The following KANK1 variants were observed in gnomAD, a reference collection of about 807,000 sequenced individuals.
KANK1 encodes the protein KN motif and ankyrin repeat domains 1, also known as KN motif and ankyrin repeat domain-containing protein 1.
Under a neutral mutation model 106.2 loss-of-function variants are expected in KANK1, and 109 were observed. The observed-to-expected ratio is 1.03, with a 90% CI of 0.88 to 1.20. The LOEUF (loss-of-function observed/expected upper bound fraction) is 1.20. Ranked by LOEUF, KANK1 falls within the 50% of genes most tolerant of loss-of-function variation. The probability of loss-of-function intolerance (pLI) is 0.00; values close to 1 mark genes in which losing one functional copy is unlikely to be tolerated. For missense variants in KANK1, 2,399 were observed against 1,710.7 expected, an observed-to-expected ratio of 1.40 and a Z score of -7.10; for synonymous variants, 873 against 652.2, an observed-to-expected ratio of 1.34 and a Z score of -5.16.
At chr9:733,824 TAGAAC>T (rs1215917061) in intron 6 of KANK1, 2 of 152,022 alleles carry the variant, frequency 1.3e-5, no homozygotes, top group Non-Finnish European at 2.9e-5. Flanking sequence ...TTTAAAAACT[TAGAAC>T]AGGTTGGGCA....
rs747952813 is a variant in KANK1, at chr9:711,491, G to A, written c.725G>A (p.Ser242Asn). ...TSSMGSSIRH[S>N]PLSSGISTPV... ...TCCATGGGGAGCTCCATCCGCCACA[G>A]CCCCCTGAGCTCAGGGATCTCCACC... Residue 242 changes from serine to asparagine, a missense_variant, in exon 3 of 12, where the codon AGC (serine) becomes AAC (asparagine). Physicochemically the swap from Ser to Asn is conservative, Grantham distance 46. Transcript: ENST00000382297. The A allele has an allele frequency of 2.2e-5, 36 of 1,613,990 alleles. No individual in the cohort carries two copies. The South Asian group carries it at 4.0e-4, about 18-fold the overall frequency.
At chr9:669,963 C>G in intron 1 of KANK1, among the ~76,000 whole-genome samples, 1 of 152,090 alleles carries the variant, frequency 6.6e-6, no homozygotes. Context: ...TTCAAAGAGC[C>G]TGTCTTTGGG....
intron 1 of KANK1, among the ~76,000 whole-genome samples, chr9:522,415 T>C (rs1386368972): frequency 6.6e-6 from 1 of 151,598 alleles, no homozygotes; most frequent in Non-Finnish European, 1.5e-5. Context: ...TAACGCTCCT[T>C]TCTGTGCTCA....
intron 3 of KANK1, among the ~76,000 whole-genome samples, chr9:486,018 G>A (rs978928182): frequency 1.3e-5 from 2 of 152,198 alleles, no homozygotes; most frequent in South Asian, 2.1e-4. Context: ...GAAGTTTCCC[G>A]TTGTCTTTAG....
chr9:632,600 T>C (rs1027546323), intron 1 of KANK1, among the ~76,000 whole-genome samples: 22 of 152,176 alleles, frequency 1.4e-4, no homozygotes, highest in Non-Finnish European at 2.1e-4. Flanking sequence ...GACATTTTCA[T>C]TCCGTGGAGT....
At chr9:727,457 C>T (rs1830996396) in intron 3 of KANK1, among the ~76,000 whole-genome samples, 3 of 151,494 alleles carry the variant, frequency 2.0e-5, no homozygotes, top group African/African-American at 4.8e-5. Context: ...CTCTGGATTA[C>T]AGGCACTCAC....
chr9:659,206 G>T (rs1377234469), intron 1 of KANK1, among the ~76,000 whole-genome samples: 1 of 152,170 alleles, frequency 6.6e-6, no homozygotes, highest in Non-Finnish European at 1.5e-5. Flanking sequence ...ACAAAGTTAG[G>T]CTTCCTGGGG....
Position 504,960 on chromosome 9 carries a change from T to TGG in KANK1, c.-84+214_-84+215dup, listed in dbSNP as rs559305329. Among the ~76,000 whole-genome samples the TGG allele has an allele frequency of 1.8e-4, 26 of 147,394 alleles. No homozygotes were observed. The South Asian group carries it at 2.6e-3, about 15-fold the overall frequency. On this transcript the variant is annotated intron_variant, in intron 1 of 11. Transcript: ENST00000382297. ...GAACCCGGCGGCCTCGGGGCGGTCC[T>TGG]GGGGGGGGGTCCGAGAGGTGGCGTC...
intron 1 of KANK1, among the ~76,000 whole-genome samples, chr9:573,606 C>T (rs918382621): frequency 1.3e-5 from 2 of 151,916 alleles, no homozygotes; most frequent in African/African-American, 4.8e-5. Flanking sequence ...TAATATAAGT[C>T]GGTATCAGTG....
intron 3 of KANK1, chr9:489,211 G>A (rs954505527): frequency 6.6e-6 from 1 of 151,998 alleles, no homozygotes; most frequent in Admixed American, 6.6e-5. Context: ...CATAGGCCTG[G>A]TTCCACTCTG....
intron 2 of KANK1, among the ~76,000 whole-genome samples, chr9:681,683 T>G (rs1588874595): frequency 1.3e-5 from 2 of 152,276 alleles, no homozygotes; most frequent in Non-Finnish European, 2.9e-5. Context: ...CTCTTGTCCT[T>G]GTCATGAGCC....
At chr9:672,166 T>G (rs754819949) in intron 1 of KANK1, among the ~76,000 whole-genome samples, 5 of 152,208 alleles carry the variant, frequency 3.3e-5, no homozygotes, top group Non-Finnish European at 7.3e-5. Flanking sequence ...TTGCTCAGCT[T>G]TAAATGTCAG....
intron 4 of KANK1, chr9:730,488 T>G: frequency 6.3e-6 from 3 of 474,026 alleles, no homozygotes; most frequent in South Asian, 4.1e-5. Flanking sequence ...GGCCAGGAGT[T>G]CGAGACCAGC....
intron 1 of KANK1, among the ~76,000 whole-genome samples, chr9:541,122 C>T (rs764176315): frequency 4.9e-5 from 7 of 144,186 alleles, no homozygotes; most frequent in South Asian, 2.2e-4. Context: ...TGTTGAAAAA[C>T]GAAAAAAAAA....
intron 3 of KANK1, among the ~76,000 whole-genome samples, chr9:722,353 C>G (rs1003624960): frequency 6.6e-6 from 1 of 152,080 alleles, no homozygotes. Flanking sequence ...GTCTGCCTCT[C>G]TTGCTCTCTC....
intron 1 of KANK1, chr9:558,925 A>G (rs1250235642): frequency 6.6e-6 from 1 of 152,140 alleles, no homozygotes; most frequent in Non-Finnish European, 1.5e-5. Context: ...AGCGTTCCTT[A>G]ATAAAAAAAG....
At chr9:523,581 C>T (rs553315969) in intron 1 of KANK1, among the ~76,000 whole-genome samples, 2 of 151,864 alleles carry the variant, frequency 1.3e-5, no homozygotes, top group Non-Finnish European at 2.9e-5. Flanking sequence ...TGTCCTTGCC[C>T]GGTCCCTTGT....
intron 2 of KANK1, among the ~76,000 whole-genome samples, chr9:678,284 A>G (rs1816806778): frequency 6.6e-6 from 1 of 152,150 alleles, no homozygotes; most frequent in Non-Finnish European, 1.5e-5. Flanking sequence ...TTCATTGAAC[A>G]CTTAAATGCA....
At chr9:528,531 G>A (rs1689119069) in intron 1 of KANK1, among the ~76,000 whole-genome samples, 1 of 135,012 alleles carries the variant, frequency 7.4e-6, no homozygotes, top group Admixed American at 7.9e-5. Context: ...ACCCAGGCTG[G>A]AGTGCAGTGG....
Sources: allele counts gnomAD v4.1 joint callset (sites outside exome capture counted in the v4.1 genomes callset), GRCh38; gene constraint gnomAD v4.1.1; transcripts MANE v1.5; gene names NCBI Gene and HGNC (gene_info 2026-07-23, HGNC 2026-07-21).